SPC25: variants seen among roughly 807,000 people sequenced by gnomAD.
The protein encoded by SPC25 is kinetochore protein Spc25.
A neutral mutation model predicts 29.6 loss-of-function variants in SPC25; 22 were observed. The ratio of observed to expected loss-of-function variants is 0.74; its 90% CI spans 0.53 to 1.06. The LOEUF (loss-of-function observed/expected upper bound fraction) is 1.06, where lower values mean the gene tolerates loss of function less well. Among genes scored for constraint, SPC25 ranks in the 50% least tolerant of loss-of-function variants. SPC25 has a pLI of 0.00. For missense variants in SPC25, 230 were observed against 255.8 expected (o/e 0.90, Z 0.69); for synonymous variants, 91 against 90.4 (o/e 1.01, Z -0.04).
At chr2:168,870,079 C>G (rs1469140174), downstream of SPC25, among the ~76,000 whole-genome samples, 2 of 152,086 alleles carry the variant, frequency 1.3e-5, no homozygotes, top group East Asian at 1.9e-4. Context: ...TGATCTTTGA[C>G]AAACCTGACA....
At chr2:168,889,818 A>C (rs754469409) in intron 1 of SPC25, among the ~76,000 whole-genome samples, 1 of 152,152 alleles carries the variant, frequency 6.6e-6, no homozygotes, top group Non-Finnish European at 1.5e-5. Context: ...TCTCACAAGT[A>C]AAACTGTTGA....
chr2:168,866,702 G>A (rs1046035437), downstream of SPC25, among the ~76,000 whole-genome samples: 1 of 152,200 alleles, frequency 6.6e-6, no homozygotes, highest in Non-Finnish European at 1.5e-5. Flanking sequence ...CCTACAGAAT[G>A]GGAGAAAATT....
At chr2:168,888,471 C>A (rs978387764) in intron 3 of SPC25, among the ~76,000 whole-genome samples, 1 of 152,096 alleles carries the variant, frequency 6.6e-6, no homozygotes, top group Non-Finnish European at 1.5e-5. Context: ...AGGAGAGTGG[C>A]GTGAACCCAG....
chr2:168,876,164 G>A lies in SPC25; in HGVS notation c.359C>T (p.Ala120Val), dbSNP rs780079783. The change falls in exon 5 of 7, where the codon GCT (alanine) becomes GTT (valine). Residue 120 changes from alanine to valine, a missense_variant. Ala to Val is a moderately conservative substitution (Grantham distance 64). Transcript: ENST00000282074. ...CAACCTCTCTGCATTCGCTTTATTA[G>A]CAGTAGAAATAGCTGATTAAAAAAC... ...YSRKKETISTANKANAERLKR... is the reference protein window; with the variant it reads ...YSRKKETISTVNKANAERLKR... 1.7e-5 allele frequency: 27 copies of A among 1,560,636 alleles called. No homozygotes were observed. Among genetic ancestry groups the A allele is most frequent in the Non-Finnish European group, 2.0e-5 (23 of 1,161,340 alleles).
chr2:168,886,703 T>C (rs1032333255), intron 3 of SPC25, among the ~76,000 whole-genome samples: 4 of 151,578 alleles, frequency 2.6e-5, no homozygotes, highest in Non-Finnish European at 4.4e-5. Flanking sequence ...GTATTTTTAG[T>C]AGAGACAAGG....
chr2:168,871,942 A>C (rs1378292052), intron 6 of SPC25, among the ~76,000 whole-genome samples: 1 of 148,490 alleles, frequency 6.7e-6, no homozygotes, highest in Non-Finnish European at 1.5e-5. Flanking sequence ...CTGACTTTTC[A>C]TTTCTGACCA....
chr2:168,888,576 A>G (rs1325973112), intron 3 of SPC25, among the ~76,000 whole-genome samples: 2 of 152,058 alleles, frequency 1.3e-5, no homozygotes, highest in African/African-American at 4.8e-5. Flanking sequence ...CTGTCTCAAA[A>G]AATGACACAA....
chr2:168,876,187 A>AC lies in SPC25; in HGVS notation c.347-12_347-11insG, dbSNP rs780228180. 43 of 1,502,158 alleles carry AC rather than the reference A, an allele frequency of 2.9e-5. No homozygotes were observed. The highest frequency in any genetic ancestry group is 3.7e-5 in the Non-Finnish European group (42 of 1,121,262). 93.1% of individuals were successfully genotyped at this position (1,502,158 alleles called of 1,614,324 possible). A position where few individuals can be genotyped will look rare whatever the true frequency, so the allele number is the denominator to read the frequency against. ...TAGCAGTAGAAATAGCTGATTAAAAAACACACACAATATTAAATGTTTTAA... is the reference window on the plus strand; with the variant it reads ...TAGCAGTAGAAATAGCTGATTAAAAACACACACACAATATTAAATGTTTTAA... On this transcript the variant is annotated splice_polypyrimidine_tract_variant and intron_variant, in intron 4 of 6. Coordinates refer to ENST00000282074, the MANE Select transcript of SPC25 (RefSeq NM_020675.4).
At chr2:168,868,732 A>G (rs1466277769), downstream of SPC25, among the ~76,000 whole-genome samples, 1 of 152,222 alleles carries the variant, frequency 6.6e-6, no homozygotes, top group African/African-American at 2.4e-5. Flanking sequence ...CCAACCAAAA[A>G]AAGTCCAGGA....
At chr2:168,861,890 C>A in intron 4 of SPC25, 1 of 1,399,688 alleles carries the variant, frequency 7.1e-7, no homozygotes, top group Non-Finnish European at 1.0e-6. Flanking sequence ...TGTTAAATAA[C>A]CAAAGAGCTT....
Position 168,889,449 on chromosome 2 carries a change from T to A in SPC25, c.71A>T (p.Asp24Val). 1 of 1,614,150 alleles carries A rather than the reference T, an allele frequency of 6.2e-7. No individual in the cohort carries two copies. The highest frequency in any genetic ancestry group is 8.5e-7 in the Non-Finnish European group (1 of 1,180,024). ...NEFWNKFKST[D>V]TSCQMAGLRD... Reference sequence around the variant, plus strand: ...TAGTCCCGCCATCTGACAGGAGGTGTCCGTACTTTTGAATTTATTCCAAAA... The same window carrying A: ...TAGTCCCGCCATCTGACAGGAGGTGACCGTACTTTTGAATTTATTCCAAAA... The change falls in exon 2 of 7, where the codon GAC becomes GTC. Residue 24 changes from aspartate (D) to valine (V), a missense_variant. By Grantham distance (152) the Asp-to-Val change is radical (BLOSUM62 -3). Coordinates refer to ENST00000282074, the MANE Select transcript of SPC25 (RefSeq NM_020675.4).
chr2:168,884,607 CT>C (rs1442131098), intron 3 of SPC25, among the ~76,000 whole-genome samples: 1 of 152,186 alleles, frequency 6.6e-6, no homozygotes, highest in African/African-American at 2.4e-5. Context: ...TAACAACACC[CT>C]TTATTATTTC....
Position 168,871,559 on chromosome 2 carries a change from GAAAAA to G in SPC25, c.551-9_551-5del, listed in dbSNP as rs5836210. On this transcript the variant is annotated splice_polypyrimidine_tract_variant and splice_region_variant and intron_variant, in intron 6 of 6. Transcript: ENST00000282074. ...AGATGAGGGGCACTATCTGACACTA[GAAAAA>G]AAAAAAAAAGAAATCAAAGACAATT... 52 of 1,346,670 alleles carry G rather than the reference GAAAAA, an allele frequency of 3.9e-5. No individual in the cohort carries two copies. The highest frequency in any genetic ancestry group is 1.2e-4 in the South Asian group (8 of 65,018). 83.4% of individuals were successfully genotyped at this position (1,346,670 alleles called of 1,614,324 possible).
chr2:168,865,192 G>A, intron 4 of SPC25: 1 of 530,956 alleles, frequency 1.9e-6, no homozygotes, highest in South Asian at 2.4e-5. Flanking sequence ...GGTTCCTAGA[G>A]GAGTTTCCAA....
At chr2:168,869,690 C>T (rs973936113), downstream of SPC25, among the ~76,000 whole-genome samples, 1 of 152,284 alleles carries the variant, frequency 6.6e-6, no homozygotes, top group Middle Eastern at 3.4e-3. Context: ...ACAACCACTG[C>T]TCAGTGAAAT....
At position 168,871,376 on chromosome 2, in the gene SPC25, A is replaced by C. The variant is rs1327856536; in HGVS notation, c.*55T>G. The stretch of plus-strand genomic sequence containing the variant: ...TAATAATAATAAAAACAAGAAAAAA[A>C]GAGATATGTAATAGAGAAGAAAAAT... On this transcript the variant is annotated 3_prime_UTR_variant, in exon 7 of 7. Coordinates refer to ENST00000282074, the MANE Select transcript of SPC25 (RefSeq NM_020675.4). The C allele has an allele frequency of 1.2e-5, 18 of 1,490,354 alleles. No homozygotes were observed. Among genetic ancestry groups the C allele is most frequent in the Non-Finnish European group, 1.6e-5 (18 of 1,108,500 alleles). The allele number at this position is 1,490,354 out of a possible 1,614,324, so 92.3% of individuals were successfully genotyped here. A position where few individuals can be genotyped will look rare whatever the true frequency, so the allele number is the denominator to read the frequency against.
At chr2:168,883,578 A>G (rs1215515568) in intron 3 of SPC25, among the ~76,000 whole-genome samples, 1 of 152,208 alleles carries the variant, frequency 6.6e-6, no homozygotes, top group Non-Finnish European at 1.5e-5. Context: ...TCTTTTGCTC[A>G]TTTGTAAAAT....
At chr2:168,865,771 G>T (rs1056769313) in intron 4 of SPC25, among the ~76,000 whole-genome samples, 1 of 126,870 alleles carries the variant, frequency 7.9e-6, no homozygotes, top group Non-Finnish European at 1.9e-5. Context: ...CTTCAGCAAA[G>T]TCTCAAGATA....
chr2:168,890,098 G>A (rs993490135), intron 1 of SPC25, among the ~76,000 whole-genome samples: 17 of 152,100 alleles, frequency 1.1e-4, no homozygotes, highest in Admixed American at 3.9e-4. Flanking sequence ...ACTCTGCGAC[G>A]CTAAAACCTT....
Sources: gnomAD v4.1 joint callset for allele counts (sites outside exome capture counted in the v4.1 genomes callset) on GRCh38, gnomAD v4.1.1 for gene constraint, MANE v1.5 for transcripts, NCBI Gene and HGNC (gene_info 2026-07-23, HGNC 2026-07-21) for gene names.